CLCA2: variants seen among roughly 807,000 people sequenced by gnomAD.
The protein encoded by CLCA2 is chloride channel accessory 2.
In CLCA2, 85 loss-of-function variants were observed where a neutral mutation model predicts 82.9. The ratio of observed to expected loss-of-function variants is 1.03; its 90% CI spans 0.86 to 1.23. The LOEUF (loss-of-function observed/expected upper bound fraction) is 1.23, where lower values mean the gene tolerates loss of function less well. CLCA2 is among the 50% of genes most tolerant of loss of function. CLCA2 has a pLI of 0.00. For synonymous variants in CLCA2, 421 were observed against 391.7 expected, an observed-to-expected ratio of 1.07 and a Z score of -0.88; for missense variants, 1,089 against 1,124.8, an observed-to-expected ratio of 0.97 and a Z score of 0.45.
rs768413031 is a variant in CLCA2, at chr1:86,455,359, TC to T, written c.2670del (p.Asn891IlefsTer13). The T allele has an allele frequency of 1.2e-6, 2 of 1,611,286 alleles. No individual in the cohort carries two copies. The highest frequency in any genetic ancestry group is 1.3e-5 in the African/African-American group (1 of 74,754). On this transcript the variant is annotated frameshift_variant, in exon 14 of 14. Transcript: ENST00000370565. LOFTEE classifies it low-confidence loss of function (END_TRUNC). ...ACATTGCCCAGGCGCCTCTGTTTAT[TC>T]CCCCCAATTCTGATCCTGTACCTGC... ...SNIAQAPLFI[P>X]PNSDPVPARD...
Position 86,434,746 on chromosome 1 carries a change from G to A in CLCA2, c.972+1G>A, listed in dbSNP as rs777786367. ...GGATGTGTCCAGCAAGATGGCAGAG[G>A]TAACATTTTGAACGAAAATGAATGT... On this transcript the variant is annotated splice_donor_variant, in intron 6 of 13. Coordinates refer to ENST00000370565, the MANE Select transcript of CLCA2 (RefSeq NM_006536.7). LOFTEE classifies it high-confidence loss of function. 3 of 1,598,138 alleles carry A rather than the reference G, an allele frequency of 1.9e-6. No individual in the cohort carries two copies. Among genetic ancestry groups the A allele is most frequent in the African/African-American group, 2.7e-5 (2 of 74,620 alleles).
At position 86,432,530 on chromosome 1, in the gene CLCA2, T is replaced by C; in HGVS notation, c.744+2T>C. 1.2e-6 allele frequency: 2 copies of C among 1,613,132 alleles called. No individual in the cohort carries two copies. Among genetic ancestry groups the C allele is most frequent in the South Asian group, 1.1e-5 (1 of 90,828 alleles). On this transcript the variant is annotated splice_donor_variant, in intron 5 of 13. Coordinates refer to ENST00000370565, the MANE Select transcript of CLCA2 (RefSeq NM_006536.7). LOFTEE classifies it high-confidence loss of function. ...ATGTTCATGCAAAGTTTATCTTCTGTAAGTATGCCCTTGGAATGACACACT... is the reference window on the plus strand; with the variant it reads ...ATGTTCATGCAAAGTTTATCTTCTGCAAGTATGCCCTTGGAATGACACACT...
At chr1:86,450,959 C>T (rs1450800996) in intron 12 of CLCA2, among the ~76,000 whole-genome samples, 2 of 152,178 alleles carry the variant, frequency 1.3e-5, no homozygotes, top group African/African-American at 4.8e-5. Context: ...TACCTAACTT[C>T]ATTTTAGTCA....
At chr1:86,425,899 G>C (rs1370891782) in intron 2 of CLCA2, among the ~76,000 whole-genome samples, 1 of 152,110 alleles carries the variant, frequency 6.6e-6, no homozygotes, top group Non-Finnish European at 1.5e-5. Context: ...ATAAAAATAT[G>C]ACTGCCATCT....
chr1:86,446,000 A>G (rs1662845026), intron 10 of CLCA2, among the ~76,000 whole-genome samples: 1 of 152,068 alleles, frequency 6.6e-6, no homozygotes, highest in South Asian at 2.1e-4. Flanking sequence ...AAGATCACAC[A>G]CACATTAGTA....
At chr1:86,450,423 A>G in intron 11 of CLCA2, 140 bp from the exon 12 acceptor site, 1 of 585,370 alleles carries the variant, frequency 1.7e-6, no homozygotes, top group Non-Finnish European at 2.7e-6. Flanking sequence ...TTATCACCTG[A>G]GAATGTAAAA....
intron 6 of CLCA2, among the ~76,000 whole-genome samples, chr1:86,436,387 CCTTT>C (rs1257360765): frequency 6.6e-6 from 1 of 152,146 alleles, no homozygotes; most frequent in East Asian, 1.9e-4. Flanking sequence ...CTTTTCCCTT[CCTTT>C]ATTTTATTCT....
intron 6 of CLCA2, among the ~76,000 whole-genome samples, chr1:86,436,731 G>T (rs1186840425): frequency 1.3e-5 from 2 of 149,848 alleles, no homozygotes; most frequent in Non-Finnish European, 1.5e-5. Context: ...TTTTTTTTTT[G>T]AGATGGAGTT....
chr1:86,437,389 T>G (rs891859749), intron 6 of CLCA2, among the ~76,000 whole-genome samples: 7 of 152,114 alleles, frequency 4.6e-5, no homozygotes, highest in Non-Finnish European at 7.4e-5. Flanking sequence ...AGTTACTATG[T>G]GAGCACTGAA....
intron 10 of CLCA2, among the ~76,000 whole-genome samples, 168 bp from the exon 11 acceptor site, chr1:86,447,340 A>G (rs1027013552): frequency 6.6e-6 from 1 of 152,238 alleles, no homozygotes; most frequent in African/African-American, 2.4e-5. Context: ...ATACAAATTT[A>G]TTCATCCCTT....
chr1:86,443,529 G>A (rs1424047147), intron 9 of CLCA2, among the ~76,000 whole-genome samples: 2 of 152,142 alleles, frequency 1.3e-5, no homozygotes, highest in Non-Finnish European at 2.9e-5. Flanking sequence ...TATGAGGACA[G>A]CTAACATCTT....
chr1:86,429,815 G>A (rs1434902822), intron 3 of CLCA2, among the ~76,000 whole-genome samples: 3 of 152,196 alleles, frequency 2.0e-5, no homozygotes, highest in African/African-American at 7.2e-5. Flanking sequence ...TTAGCAGGAA[G>A]TGGAGTGAAA....
In CLCA2 at chr1:86,456,530, C is replaced by T. The variant is rs372240670; in HGVS notation, c.*1003C>T. 2.0e-5 allele frequency: 3 copies of T among 152,114 alleles called. No individual in the cohort carries two copies. The highest frequency in any genetic ancestry group is 7.2e-5 in the African/African-American group (3 of 41,496). 9.4% of individuals were successfully genotyped at this position (152,114 alleles called of 1,614,324 possible). On this transcript the variant is annotated 3_prime_UTR_variant, in exon 14 of 14. Coordinates refer to ENST00000370565, the MANE Select transcript of CLCA2 (RefSeq NM_006536.7). Reference sequence around the variant, plus strand: ...CTTATTTTTTTAAAAGATTATCGAACAATAAAATCATTTGCCTTTTTAATT... The same window carrying T: ...CTTATTTTTTTAAAAGATTATCGAATAATAAAATCATTTGCCTTTTTAATT...
intron 6 of CLCA2, among the ~76,000 whole-genome samples, chr1:86,435,961 G>T (rs1465682309): frequency 6.6e-6 from 1 of 150,782 alleles, no homozygotes; most frequent in Non-Finnish European, 1.5e-5. Context: ...TTTTCATGAT[G>T]TGTGAAAAGT....
chr1:86,449,208 A>G (rs998366807), intron 11 of CLCA2, among the ~76,000 whole-genome samples: 14 of 152,374 alleles, frequency 9.2e-5, no homozygotes, highest in African/African-American at 2.9e-4. Context: ...AATGATTTAC[A>G]ATTTAAAATG....
intron 4 of CLCA2, among the ~76,000 whole-genome samples, chr1:86,431,485 C>T (rs1662497925): frequency 6.6e-6 from 1 of 152,166 alleles, no homozygotes; most frequent in Non-Finnish European, 1.5e-5. Context: ...TGTGTCATTT[C>T]TCATACGTGC....
At position 86,440,216 on chromosome 1, in the gene CLCA2, G is replaced by A. The variant is rs199964844; in HGVS notation, c.1272G>A (p.Lys424=). 9 of 1,614,128 alleles carry A rather than the reference G, an allele frequency of 5.6e-6. No individual in the cohort carries two copies. Among genetic ancestry groups the A allele is most frequent in the Non-Finnish European group, 6.8e-6 (8 of 1,180,004 alleles). Residue 424 remains lysine (K), a synonymous_variant, in exon 8 of 14, where the codon AAG becomes AAA. Transcript: ENST00000370565. ...TATTAGTGACCAGCGGAGATGATAAGCTTCTTGGCAATTGCTTACCCACTG... is the reference window on the plus strand; with the variant it reads ...TATTAGTGACCAGCGGAGATGATAAACTTCTTGGCAATTGCTTACCCACTG... ...VMILVTSGDD[K]LLGNCLPTVL...
chr1:86,436,916 A>G (rs11161826), intron 6 of CLCA2, among the ~76,000 whole-genome samples: 15,788 of 151,984 alleles, frequency 0.1, 964 homozygotes, highest in African/African-American at 0.16. Context: ...TTTCTCCATG[A>G]TTGGTCAGGC....
intron 6 of CLCA2, among the ~76,000 whole-genome samples, chr1:86,437,220 T>C (rs914091002): frequency 3.9e-5 from 6 of 152,206 alleles, no homozygotes; most frequent in African/African-American, 1.4e-4. Flanking sequence ...GAACCATTAT[T>C]GCCATTCATT....
Sources: gnomAD v4.1 joint callset for allele counts (sites outside exome capture counted in the v4.1 genomes callset) on GRCh38, gnomAD v4.1.1 for gene constraint, MANE v1.5 for transcripts, NCBI Gene and HGNC (gene_info 2026-07-23, HGNC 2026-07-21) for gene names.